Variants in MALRD1 observed in about 807,000 individuals in gnomAD.
The protein encoded by MALRD1 is MAM and LDL receptor class A domain containing 1.
Under a neutral mutation model 242.1 loss-of-function variants are expected in MALRD1, and 247 were observed. The observed-to-expected ratio is 1.02, with a 90% CI of 0.92 to 1.13. MALRD1 has a LOEUF of 1.13. Among genes scored for constraint, MALRD1 ranks in the 50% most tolerant of loss-of-function variants. The pLI is 0.00. For missense variants in MALRD1, 2,989 were observed against 2,533.1 expected, an observed-to-expected ratio of 1.18 and a Z score of -3.86; for synonymous variants, 995 against 866.6, an observed-to-expected ratio of 1.15 and a Z score of -2.60.
chr10:19,239,832 CTGT>C (rs1838678968), intron 18 of MALRD1, among the ~76,000 whole-genome samples: 2 of 152,026 alleles, frequency 1.3e-5, no homozygotes, highest in South Asian at 4.1e-4. Flanking sequence ...TATTTCTGAG[CTGT>C]ATATTCTGTT....
rs917881055 is a variant in MALRD1 at position 19,280,066 on chromosome 10, C to G, written c.3099C>G (p.Leu1033=). 6.6e-7 allele frequency: 1 copy of G among 1,514,742 alleles called. No homozygotes were observed. Among genetic ancestry groups the G allele is most frequent in the South Asian group, 1.3e-5 (1 of 77,652 alleles). The allele number at this position is 1,514,742 out of a possible 1,614,324, so 93.8% of individuals were successfully genotyped here. ...TLYPGNLPAD[L]PTPPETSVPV... is the part of the protein sequence containing the mutation. ...ATCAAGGTAATTTGCCAGCAGACCT[C>G]CCAACTCCACCAGAAACGTCAGTTC... Residue 1033 remains leucine, a synonymous_variant, in exon 20 of 40, where the codon CTC becomes CTG. Transcript: ENST00000454679.
At chr10:19,655,057 G>A (rs2131717260) in intron 36 of MALRD1, among the ~76,000 whole-genome samples, 1 of 152,156 alleles carries the variant, frequency 6.6e-6, no homozygotes, top group Non-Finnish European at 1.5e-5. Flanking sequence ...TCAATACTTT[G>A]CCCTGTTCTA....
intron 11 of MALRD1, among the ~76,000 whole-genome samples, chr10:19,148,098 C>G (rs61851293): frequency 1.6e-3 from 242 of 152,164 alleles, no homozygotes; most frequent in Middle Eastern, 3.4e-3. Context: ...CTCTAAAGGG[C>G]TGTTGTGTCT....
intron 33 of MALRD1, among the ~76,000 whole-genome samples, chr10:19,585,708 T>C (rs368990158): frequency 1.3e-5 from 2 of 152,060 alleles, no homozygotes; most frequent in Non-Finnish European, 2.9e-5. Context: ...TGTGTCTTGG[T>C]GTTGCTCTTC....
At chr10:19,351,488 G>A (rs1844375887) in intron 25 of MALRD1, among the ~76,000 whole-genome samples, 1 of 152,116 alleles carries the variant, frequency 6.6e-6, no homozygotes, top group Admixed American at 6.6e-5. Context: ...GGGTTTTGTT[G>A]TATTTAAATG....
At chr10:19,439,955 C>T (rs1834542681) in intron 28 of MALRD1, among the ~76,000 whole-genome samples, 1 of 152,114 alleles carries the variant, frequency 6.6e-6, no homozygotes, top group Non-Finnish European at 1.5e-5. Flanking sequence ...CTTTCTATGT[C>T]TTAAAGATCC....
intron 12 of MALRD1, among the ~76,000 whole-genome samples, chr10:19,157,644 G>T (rs369696786): frequency 6.6e-6 from 1 of 152,260 alleles, no homozygotes; most frequent in South Asian, 2.1e-4. Flanking sequence ...GAATTGGAAC[G>T]TATTGATAAT....
At chr10:19,607,716 T>A (rs1838704005) in intron 34 of MALRD1, 61 bp from the exon 35 acceptor site, 2 of 1,514,446 alleles carry the variant, frequency 1.3e-6, no homozygotes, top group Admixed American at 4.3e-5. Flanking sequence ...GTTGTGAGAA[T>A]TCATTGGGAC....
At chr10:19,395,586 C>T (rs914869156) in intron 28 of MALRD1, among the ~76,000 whole-genome samples, 1 of 152,130 alleles carries the variant, frequency 6.6e-6, no homozygotes, top group Non-Finnish European at 1.5e-5. Context: ...AAGCAGTTCC[C>T]AGCTTGACTT....
At chr10:19,573,107 CTT>C (rs151131236) in intron 33 of MALRD1, among the ~76,000 whole-genome samples, 14,000 of 152,238 alleles carry the variant, frequency 0.092, 906 homozygotes, top group Non-Finnish European at 0.13. Flanking sequence ...TTCTGTCTCT[CTT>C]GTTTGCTGTC....
At chr10:19,211,177 C>T (rs761176227) in intron 18 of MALRD1, among the ~76,000 whole-genome samples, 1 of 152,076 alleles carries the variant, frequency 6.6e-6, no homozygotes, top group Non-Finnish European at 1.5e-5. Flanking sequence ...TGCAGGGAAG[C>T]AGCTTCATAG....
chr10:19,086,933 CA>C (rs1835688913), intron 2 of MALRD1, among the ~76,000 whole-genome samples: 1 of 152,016 alleles, frequency 6.6e-6, no homozygotes, highest in African/African-American at 2.4e-5. Flanking sequence ...GCATACCCCC[CA>C]AGTCTGCTTT....
At chr10:19,155,843 G>C (rs1430915759) in intron 12 of MALRD1, among the ~76,000 whole-genome samples, 1 of 152,154 alleles carries the variant, frequency 6.6e-6, no homozygotes, top group African/African-American at 2.4e-5. Flanking sequence ...AAAGCACCTG[G>C]CAAAATATTT....
chr10:19,490,373 A>T (rs889173396), intron 29 of MALRD1, among the ~76,000 whole-genome samples: 2 of 152,076 alleles, frequency 1.3e-5, no homozygotes, highest in African/African-American at 2.4e-5. Flanking sequence ...ATGTGAAGGG[A>T]CATAAACCCG....
chr10:19,546,214 A>G (rs965048473), intron 32 of MALRD1, among the ~76,000 whole-genome samples: 3 of 152,184 alleles, frequency 2.0e-5, no homozygotes, highest in African/African-American at 7.2e-5. Context: ...TCTCAGACCA[A>G]GTAAGAAATT....
chr10:19,440,915 C>T (rs1834606505), intron 28 of MALRD1, among the ~76,000 whole-genome samples: 1 of 152,026 alleles, frequency 6.6e-6, no homozygotes. Flanking sequence ...TGAGGAATCA[C>T]CACACTGACT....
chr10:19,539,856 G>T (rs1255785372), intron 32 of MALRD1, among the ~76,000 whole-genome samples: 98 of 19,810 alleles, frequency 4.9e-3, no homozygotes, highest in African/African-American at 0.01. Context: ...CCAGCTTTGT[G>T]CGTGTGTGTG....
At chr10:19,251,085 G>A (rs901215926) in intron 18 of MALRD1, among the ~76,000 whole-genome samples, 2 of 152,054 alleles carry the variant, frequency 1.3e-5, no homozygotes, top group Admixed American at 1.3e-4. Context: ...TCCTTCAGAA[G>A]AGTATGAAAT....
chr10:19,310,159 A>G (rs969665023), intron 21 of MALRD1, among the ~76,000 whole-genome samples: 1 of 151,418 alleles, frequency 6.6e-6, no homozygotes. Context: ...CACAGTTGGG[A>G]CTATTTTGCA....
Sources: allele counts gnomAD v4.1 joint callset (sites outside exome capture counted in the v4.1 genomes callset), GRCh38; gene constraint gnomAD v4.1.1; transcripts MANE v1.5; gene names NCBI Gene and HGNC (gene_info 2026-07-23, HGNC 2026-07-21).